Variants in TRIM9 observed in about 807,000 individuals in gnomAD.
TRIM9 encodes tripartite motif containing 9, also known as E3 ubiquitin-protein ligase TRIM9.
A neutral mutation model predicts 78.3 loss-of-function variants in TRIM9; 26 were observed. The observed-to-expected ratio is 0.33, with a 90% confidence interval of 0.24 to 0.46. TRIM9 has a LOEUF of 0.46. Ranked by LOEUF, TRIM9 falls within the 20% of genes least tolerant of loss-of-function variation. TRIM9 has a pLI of 1.00. For synonymous variants in TRIM9, 398 were observed against 416.5 expected (o/e 0.96, Z 0.54); for missense variants, 787 against 1,036.4 (o/e 0.76, Z 3.30).
chr14:50,977,184 C>T lies in TRIM9; in HGVS notation c.*107G>A. 1 of 877,146 alleles carries T rather than the reference C, an allele frequency of 1.1e-6. No homozygotes were observed. Among genetic ancestry groups the T allele is most frequent in the Non-Finnish European group, 1.6e-6 (1 of 620,304 alleles). 54.3% of individuals were successfully genotyped at this position (877,146 alleles called of 1,614,324 possible). ...GAGGACCAGCTTTTCTCTCCTCCTT[C>T]TCCCACTCCTGCCAACTCTGCACCC... On this transcript the variant is annotated 3_prime_UTR_variant, in exon 13 of 13. Transcript: ENST00000684578.
intron 1 of TRIM9, among the ~76,000 whole-genome samples, chr14:51,080,469 A>G (rs1031881603): frequency 2.0e-5 from 3 of 147,458 alleles, no homozygotes; most frequent in African/African-American, 7.6e-5. Context: ...ACACACACAC[A>G]CACACACACA....
chr14:51,008,575 T>C (rs1049416651), intron 5 of TRIM9, among the ~76,000 whole-genome samples: 3 of 152,148 alleles, frequency 2.0e-5, no homozygotes, highest in African/African-American at 7.2e-5. Context: ...ATAATCAAAT[T>C]TTAAAGTTTA....
chr14:50,979,614 G>T, intron 11 of TRIM9, 65 bp from the exon 12 acceptor site: 1 of 1,394,500 alleles, frequency 7.2e-7, no homozygotes, highest in Non-Finnish European at 1.0e-6. Flanking sequence ...CCCCCCTTTT[G>T]TGTGGTGAAA....
At chr14:51,081,045 G>T (rs190202897) in intron 1 of TRIM9, among the ~76,000 whole-genome samples, 1 of 152,324 alleles carries the variant, frequency 6.6e-6, no homozygotes, top group East Asian at 1.9e-4. Context: ...GTCTGTGTCT[G>T]CTTTTTTCCT....
Position 50,977,239 on chromosome 14 carries a change from G to A in TRIM9, c.*52C>T. 3 of 1,385,462 alleles carry A rather than the reference G, an allele frequency of 2.2e-6. No homozygotes were observed. In the East Asian group the frequency reaches 8.2e-5, roughly 38 times the overall value. 85.8% of individuals were successfully genotyped at this position (1,385,462 alleles called of 1,614,324 possible). A position where few individuals can be genotyped will look rare whatever the true frequency, so the allele number is the denominator to read the frequency against. On this transcript the variant is annotated 3_prime_UTR_variant, in exon 13 of 13. Transcript: ENST00000684578. ...ACGGCTGGCTGAGCTCCTTGCTGTG[G>A]CTCTCGCAGGCGGAGGTAAGAACAG...
At chr14:51,060,719 G>A (rs146775379) in intron 1 of TRIM9, among the ~76,000 whole-genome samples, 3,158 of 152,190 alleles carry the variant, frequency 0.021, 68 homozygotes, top group African/African-American at 0.056. Context: ...TGCCCGCCTC[G>A]GCCTCCCAAA....
At chr14:51,035,016 T>A (rs1408647958) in intron 1 of TRIM9, among the ~76,000 whole-genome samples, 1 of 151,478 alleles carries the variant, frequency 6.6e-6, no homozygotes, top group Non-Finnish European at 1.5e-5. Context: ...TTTAGTCATA[T>A]GGGAAAATAT....
chr14:51,075,733 C>T (rs2062716153), intron 1 of TRIM9, among the ~76,000 whole-genome samples: 1 of 152,160 alleles, frequency 6.6e-6, no homozygotes, highest in South Asian at 2.1e-4. Context: ...CTGAGCTGCT[C>T]CACCTCTCAA....
intron 1 of TRIM9, among the ~76,000 whole-genome samples, chr14:51,081,818 G>T (rs770811386): frequency 6.6e-6 from 1 of 152,206 alleles, no homozygotes; most frequent in Non-Finnish European, 1.5e-5. Flanking sequence ...TGGCAGAGAC[G>T]CATGGAGTAA....
chr14:51,029,083 G>A (rs1002931284), intron 1 of TRIM9, among the ~76,000 whole-genome samples: 5 of 152,118 alleles, frequency 3.3e-5, no homozygotes, highest in African/African-American at 7.2e-5. Context: ...GCTGCTGAGT[G>A]TGCCCAGGCA....
chr14:51,027,978 G>T lies in TRIM9; in HGVS notation c.823-2618C>A, dbSNP rs900542312. On this transcript the variant is annotated intron_variant, in intron 1 of 12. Transcript: ENST00000684578. ...GATTTGGTTACACAGAAGTGAAGCT[G>T]CCTGGTGTCTTGTATTCCAACCTTG... Among the ~76,000 whole-genome samples the T allele has an allele frequency of 2.0e-5, 3 of 152,274 alleles. No homozygotes were observed. The East Asian group carries it at 5.8e-4, about 29-fold the overall frequency.
rs1045350060 is a variant in TRIM9, at chr14:50,983,398, C to A, written c.1816G>T (p.Ala606Ser). The change falls in exon 9 of 13, where the codon GCA becomes TCA. Residue 606 changes from alanine (A) to serine (S), a missense_variant. Physicochemically the swap from Ala to Ser is moderately conservative, Grantham distance 99. This residue lies in a region of TRIM9 where 421 missense variants were observed against 514.3 expected (regional missense o/e 0.82). Coordinates refer to ENST00000684578, the MANE Select transcript of TRIM9 (RefSeq NM_001387360.1). ...TACTTGCCTAATTGAGAGTAAGGTG[C>A]AGATTGTGTCTCAAAATTGCATCCT... ...APGCNFETQS[A>S]PYSQLVDIKK... The A allele has an allele frequency of 1.9e-6, 3 of 1,543,136 alleles. No homozygotes were observed. In the African/African-American group the frequency reaches 4.1e-5, roughly 21 times the overall value.
intron 6 of TRIM9, among the ~76,000 whole-genome samples, chr14:51,000,307 C>G (rs894252271): frequency 6.6e-6 from 1 of 152,176 alleles, no homozygotes; most frequent in Non-Finnish European, 1.5e-5. Context: ...ATCTAATGGA[C>G]TCTTAGCAAC....
At chr14:51,004,101 C>T (rs57454311) in intron 5 of TRIM9, among the ~76,000 whole-genome samples, 10,479 of 152,200 alleles carry the variant, frequency 0.069, 549 homozygotes, top group East Asian at 0.15. Flanking sequence ...ACTGGAACTC[C>T]TGTTATTGGG....
intron 1 of TRIM9, among the ~76,000 whole-genome samples, chr14:51,071,138 A>C (rs1157267563): frequency 6.6e-6 from 1 of 152,094 alleles, no homozygotes; most frequent in Non-Finnish European, 1.5e-5. Flanking sequence ...TAGCACTTTG[A>C]GGCCAGGGTG....
intron 7 of TRIM9, among the ~76,000 whole-genome samples, chr14:50,986,827 TAAAC>T (rs1411502262): frequency 6.6e-6 from 1 of 152,236 alleles, no homozygotes; most frequent in Non-Finnish European, 1.5e-5. Context: ...TCTCTAATGA[TAAAC>T]AGACTGTAGG....
intron 3 of TRIM9, among the ~76,000 whole-genome samples, chr14:51,017,682 C>G (rs1250503557): frequency 6.6e-6 from 1 of 152,174 alleles, no homozygotes; most frequent in African/African-American, 2.4e-5. Context: ...TGGATTACTC[C>G]ATCTCCTCAA....
chr14:50,989,711 G>A (rs1045990546), intron 7 of TRIM9, among the ~76,000 whole-genome samples: 1 of 152,142 alleles, frequency 6.6e-6, no homozygotes, highest in East Asian at 1.9e-4. Flanking sequence ...GGCCAAATGT[G>A]GTGACTCTAG....
chr14:51,067,637 A>T (rs944664609), intron 1 of TRIM9, among the ~76,000 whole-genome samples: 2 of 151,856 alleles, frequency 1.3e-5, no homozygotes, highest in Non-Finnish European at 2.9e-5. Context: ...GGATCTTTGC[A>T]TGTGCTATTT....
Sources: allele counts gnomAD v4.1 joint callset (sites outside exome capture counted in the v4.1 genomes callset), GRCh38; gene constraint gnomAD v4.1.1; regional missense constraint gnomAD v4.1.1; transcripts MANE v1.5; gene names NCBI Gene and HGNC (gene_info 2026-07-23, HGNC 2026-07-21).